CREB5: variants seen among roughly 807,000 people sequenced by gnomAD.
CREB5 encodes cyclic AMP-responsive element-binding protein 5.
A neutral mutation model predicts 57.1 loss-of-function variants in CREB5; 19 were observed. That is an observed-to-expected ratio of 0.33 (90% CI 0.23 to 0.49). The LOEUF (loss-of-function observed/expected upper bound fraction) is 0.49. Among genes scored for constraint, CREB5 ranks in the 20% least tolerant of loss-of-function variants. The probability of loss-of-function intolerance (pLI) is 0.99; values close to 1 mark genes in which losing one functional copy is unlikely to be tolerated. For missense variants in CREB5, 579 were observed against 671.6 expected, an observed-to-expected ratio of 0.86 and a Z score of 1.52; for synonymous variants, 238 against 238.3, an observed-to-expected ratio of 1.00 and a Z score of 0.01.
At chr7:28,789,449 A>C (rs931205040) in intron 7 of CREB5, among the ~76,000 whole-genome samples, 1 of 152,080 alleles carries the variant, frequency 6.6e-6, no homozygotes, top group Non-Finnish European at 1.5e-5. Context: ...CTTAGTTTCA[A>C]AATAGGTCTC....
chr7:28,465,302 G>C (rs1431448770), intron 1 of CREB5, among the ~76,000 whole-genome samples: 1 of 152,216 alleles, frequency 6.6e-6, no homozygotes, highest in African/African-American at 2.4e-5. Context: ...GCAGTGCAGA[G>C]CAATTTGCTG....
chr7:28,344,997 A>G (rs1786015243), intron 1 of CREB5, among the ~76,000 whole-genome samples: 1 of 152,230 alleles, frequency 6.6e-6, no homozygotes, highest in Non-Finnish European at 1.5e-5. Flanking sequence ...ACATCAGAGC[A>G]CCTAAATAGA....
chr7:28,757,567 G>A (rs1443548030), intron 7 of CREB5, among the ~76,000 whole-genome samples: 2 of 152,044 alleles, frequency 1.3e-5, no homozygotes, highest in African/African-American at 4.8e-5. Flanking sequence ...CAGCTACTCG[G>A]GAGGCTGAGG....
intron 5 of CREB5, among the ~76,000 whole-genome samples, chr7:28,577,146 C>A (rs1271174991): frequency 6.6e-6 from 1 of 152,202 alleles, no homozygotes; most frequent in East Asian, 1.9e-4. Context: ...GCTAAGCGCT[C>A]AGCTTCCCCA....
intron 1 of CREB5, among the ~76,000 whole-genome samples, chr7:28,319,710 A>C (rs1052335674): frequency 6.6e-6 from 1 of 152,026 alleles, no homozygotes; most frequent in Non-Finnish European, 1.5e-5. Flanking sequence ...GGGTAGAGTG[A>C]GCATCCCCGA....
At chr7:28,736,357 C>T (rs987136943) in intron 7 of CREB5, among the ~76,000 whole-genome samples, 4 of 151,794 alleles carry the variant, frequency 2.6e-5, no homozygotes, top group Admixed American at 6.6e-5. Flanking sequence ...TTAGTAAAGA[C>T]GGGGTTTCTC....
chr7:28,550,768 T>G (rs1794605725), intron 4 of CREB5, among the ~76,000 whole-genome samples: 1 of 152,234 alleles, frequency 6.6e-6, no homozygotes, highest in Non-Finnish European at 1.5e-5. Flanking sequence ...TTAAACACTG[T>G]AACATTGTGG....
intron 5 of CREB5, among the ~76,000 whole-genome samples, chr7:28,675,558 G>T (rs1289434327): frequency 6.6e-6 from 1 of 152,180 alleles, no homozygotes; most frequent in African/African-American, 2.4e-5. Context: ...AAGGGGAGAC[G>T]AGAGAGAAAC....
intron 5 of CREB5, among the ~76,000 whole-genome samples, chr7:28,585,565 A>G (rs183279917): frequency 8.8e-4 from 134 of 152,332 alleles, no homozygotes; most frequent in Non-Finnish European, 1.7e-3. Context: ...ATGTGACAGG[A>G]CTGTTCTTTT....
chr7:28,708,972 T>C (rs1361394655), intron 5 of CREB5, among the ~76,000 whole-genome samples: 1 of 152,214 alleles, frequency 6.6e-6, no homozygotes, highest in Non-Finnish European at 1.5e-5. Flanking sequence ...TATTTGTCCT[T>C]GTGAGGCAAG....
intron 5 of CREB5, among the ~76,000 whole-genome samples, chr7:28,718,386 G>A (rs1355798297): frequency 2.6e-5 from 4 of 152,234 alleles, no homozygotes; most frequent in Admixed American, 6.5e-5. Context: ...AATGTACATA[G>A]ATCTCAGGCT....
At chr7:28,493,963 T>C (rs1301837284) in intron 2 of CREB5, among the ~76,000 whole-genome samples, 1 of 152,224 alleles carries the variant, frequency 6.6e-6, no homozygotes, top group African/African-American at 2.4e-5. Flanking sequence ...ACAGTTACAT[T>C]TGTAGATACA....
intron 5 of CREB5, among the ~76,000 whole-genome samples, chr7:28,616,636 GTGGACTCCAGGCTTCTATC>G (rs1157538940): frequency 6.6e-6 from 1 of 152,114 alleles, no homozygotes; most frequent in Non-Finnish European, 1.5e-5. Context: ...CTCAGAGTTA[GTGGACTCCAGGCTTCTATC>G]TGCACTCCAA....
chr7:28,530,563 C>A (rs1793682005), intron 4 of CREB5, among the ~76,000 whole-genome samples: 1 of 152,224 alleles, frequency 6.6e-6, no homozygotes, highest in South Asian at 2.1e-4. Context: ...ATTTTTCCTT[C>A]TTGCTGCAAA....
upstream of CREB5, among the ~76,000 whole-genome samples, chr7:28,408,981 T>C (rs1340602225): frequency 1.3e-5 from 2 of 151,318 alleles, no homozygotes; most frequent in East Asian, 2.0e-4. Context: ...CCCTACACCT[T>C]TCAAACCCCA....
chr7:28,748,883 C>T (rs1187044483), intron 7 of CREB5, among the ~76,000 whole-genome samples: 1 of 152,310 alleles, frequency 6.6e-6, no homozygotes, highest in East Asian at 1.9e-4. Context: ...AGTTTTTATT[C>T]TGGAGGGCTC....
rs138800842 is a variant in CREB5, at chr7:28,756,395, A to G, written c.702+32063A>G. 3.3e-3 allele frequency among the ~76,000 whole-genome samples: 507 copies of G among 152,204 alleles called. 5 individuals are homozygous for G. The highest frequency in any genetic ancestry group is 0.01 in the African/African-American group (428 of 41,524). On this transcript the variant is annotated intron_variant, in intron 7 of 10. Transcript: ENST00000357727. Reference sequence around the variant, plus strand: ...TGGAGAAACCCCGTCTCTACTTTAAAAAAATACAAAATTAGCCAGGCATGG... The same window carrying G: ...TGGAGAAACCCCGTCTCTACTTTAAGAAAATACAAAATTAGCCAGGCATGG...
At chr7:28,816,509 T>A (rs554323931) in intron 9 of CREB5, among the ~76,000 whole-genome samples, 1 of 152,324 alleles carries the variant, frequency 6.6e-6, no homozygotes, top group South Asian at 2.1e-4. Flanking sequence ...AAAAATAAAG[T>A]TTGGAAGAGA....
chr7:28,635,098 G>A (rs1308940656), intron 5 of CREB5, among the ~76,000 whole-genome samples: 1 of 152,122 alleles, frequency 6.6e-6, no homozygotes, highest in Non-Finnish European at 1.5e-5. Flanking sequence ...ATAGAATTAT[G>A]TCCCATACCA....
Sources: allele counts gnomAD v4.1 joint callset (sites outside exome capture counted in the v4.1 genomes callset), GRCh38; gene constraint gnomAD v4.1.1; transcripts MANE v1.5; gene names NCBI Gene and HGNC (gene_info 2026-07-23, HGNC 2026-07-21).